BLOC1S5: variants seen among roughly 807,000 people sequenced by gnomAD.
BLOC1S5 encodes the protein biogenesis of lysosome-related organelles complex 1 subunit 5.
Under a neutral mutation model 24.3 loss-of-function variants are expected in BLOC1S5, and 27 were observed. That is an observed-to-expected ratio of 1.11 (90% CI 0.82 to 1.53). The LOEUF is 1.53. BLOC1S5 is among the 40% of genes most tolerant of loss of function. The pLI, the probability that BLOC1S5 is intolerant of heterozygous loss-of-function variation, is 0.00. For synonymous variants in BLOC1S5, 84 were observed against 74.5 expected, an observed-to-expected ratio of 1.13 and a Z score of -0.66; for missense variants, 239 against 229.4, an observed-to-expected ratio of 1.04 and a Z score of -0.27.
Position 8,041,286 on chromosome 6 carries a change from A to C in BLOC1S5, c.196-18T>G, listed in dbSNP as rs770568158. On this transcript the variant is annotated intron_variant, in intron 2 of 4. Transcript: ENST00000397457. ...CGTTTTTCCTATTAAAAGAAAGTAG[A>C]TGACTAATAAATATGGTGTCTTTTC... The C allele has an allele frequency of 2.7e-6, 4 of 1,503,412 alleles. 1 individual carries two copies. In the South Asian group the frequency reaches 3.6e-5, roughly 13 times the overall value. The allele number at this position is 1,503,412 out of a possible 1,614,324, so 93.1% of individuals were successfully genotyped here. A position where few individuals can be genotyped will look rare whatever the true frequency, so the allele number is the denominator to read the frequency against.
At chr6:8,050,598 A>C (rs1354176707) in intron 2 of BLOC1S5, among the ~76,000 whole-genome samples, 2 of 122,878 alleles carry the variant, frequency 1.6e-5, no homozygotes, top group African/African-American at 2.9e-5. Context: ...AATGGAAAAG[A>C]AACTTTTTTT....
intron 3 of BLOC1S5, among the ~76,000 whole-genome samples, chr6:8,032,832 AACAG>A (rs763836824): frequency 3.9e-5 from 6 of 152,226 alleles, no homozygotes; most frequent in Non-Finnish European, 8.8e-5. Context: ...ATACAGCATT[AACAG>A]ACAAACAGAG....
At chr6:8,038,503 T>C (rs1168200549) in intron 3 of BLOC1S5, among the ~76,000 whole-genome samples, 1 of 144,914 alleles carries the variant, frequency 6.9e-6, no homozygotes, top group Non-Finnish European at 1.6e-5. Context: ...TAATTAATTA[T>C]TGACGGAGTC....
chr6:8,023,000 A>T (rs1290782223), intron 4 of BLOC1S5, among the ~76,000 whole-genome samples: 2 of 152,234 alleles, frequency 1.3e-5, no homozygotes, highest in Non-Finnish European at 2.9e-5. Flanking sequence ...AATTAAAAGC[A>T]TTCATATTTA....
chr6:8,048,219 T>C (rs543750734), intron 2 of BLOC1S5, among the ~76,000 whole-genome samples: 15 of 152,286 alleles, frequency 9.8e-5, no homozygotes, highest in African/African-American at 3.6e-4. Context: ...CAGACAAAAC[T>C]CTAGTATTTT....
At chr6:8,052,977 G>A (rs944635513) in intron 2 of BLOC1S5, among the ~76,000 whole-genome samples, 8 of 151,994 alleles carry the variant, frequency 5.3e-5, no homozygotes, top group African/African-American at 1.9e-4. Flanking sequence ...ATGAGGATCT[G>A]CTTCTTATGG....
intron 2 of BLOC1S5, among the ~76,000 whole-genome samples, chr6:8,058,362 A>AG (rs1421505882): frequency 2.1e-5 from 1 of 48,146 alleles, no homozygotes; most frequent in East Asian, 3.2e-4. Context: ...TCTATGAAAA[A>AG]AAAAAAAAAA....
intron 3 of BLOC1S5, among the ~76,000 whole-genome samples, chr6:8,033,237 G>T (rs184104395): frequency 6.6e-6 from 1 of 152,228 alleles, no homozygotes; most frequent in Non-Finnish European, 1.5e-5. Context: ...ATACTACAAG[G>T]CTACAGTAAC....
At chr6:8,061,353 G>A (rs187601675) in intron 2 of BLOC1S5, among the ~76,000 whole-genome samples, 27 of 152,154 alleles carry the variant, frequency 1.8e-4, no homozygotes, top group African/African-American at 5.5e-4. Flanking sequence ...ACTGCTTAAC[G>A]AACAATGAAC....
At chr6:8,023,329 T>C (rs1314204456) in intron 4 of BLOC1S5, among the ~76,000 whole-genome samples, 2 of 152,234 alleles carry the variant, frequency 1.3e-5, no homozygotes, top group African/African-American at 4.8e-5. Flanking sequence ...ATGACGTTTA[T>C]CAGTTTACTT....
At chr6:8,022,636 G>C (rs909026890) in intron 4 of BLOC1S5, among the ~76,000 whole-genome samples, 1 of 133,154 alleles carries the variant, frequency 7.5e-6, no homozygotes, top group Admixed American at 8.7e-5. Context: ...CCAGGCTGGA[G>C]TGCAGTGGCG....
chr6:8,050,026 T>C (rs933888576), intron 2 of BLOC1S5, among the ~76,000 whole-genome samples: 4 of 152,156 alleles, frequency 2.6e-5, no homozygotes, highest in African/African-American at 4.8e-5. Flanking sequence ...TATATACTTC[T>C]AAGTGTACGC....
intron 4 of BLOC1S5, among the ~76,000 whole-genome samples, chr6:8,016,190 G>A (rs1324764673): frequency 6.6e-6 from 1 of 152,044 alleles, no homozygotes; most frequent in East Asian, 1.9e-4. Flanking sequence ...GCTGGGCGTG[G>A]TGGCACATGG....
chr6:8,041,683 G>A (rs1763695907), intron 2 of BLOC1S5, among the ~76,000 whole-genome samples: 1 of 107,578 alleles, frequency 9.3e-6, no homozygotes, highest in African/African-American at 3.1e-5. Flanking sequence ...GTCTCGCCCT[G>A]TCGCCCAGAC....
chr6:8,026,050 A>G (rs1026456628), intron 4 of BLOC1S5, among the ~76,000 whole-genome samples: 1 of 152,218 alleles, frequency 6.6e-6, no homozygotes, highest in African/African-American at 2.4e-5. Flanking sequence ...GGCTCAGAGG[A>G]AAGATTTATA....
chr6:8,027,556 G>A (rs949889500), intron 3 of BLOC1S5, among the ~76,000 whole-genome samples: 1 of 152,172 alleles, frequency 6.6e-6, no homozygotes, highest in Non-Finnish European at 1.5e-5. Context: ...CAGTCAGGCC[G>A]GGCACGGTGG....
At chr6:8,056,016 C>T (rs1040369852) in intron 2 of BLOC1S5, among the ~76,000 whole-genome samples, 1 of 152,132 alleles carries the variant, frequency 6.6e-6, no homozygotes, top group African/African-American at 2.4e-5. Flanking sequence ...GAATGGTTTC[C>T]TTTATAAGTA....
chr6:8,063,766 A>G (rs886694007), intron 1 of BLOC1S5, among the ~76,000 whole-genome samples: 4 of 152,324 alleles, frequency 2.6e-5, no homozygotes, highest in African/African-American at 9.6e-5. Context: ...AGCACACAGA[A>G]CACATGGACA....
chr6:8,015,880 A>C (rs768026171), intron 4 of BLOC1S5, 52 bp from the exon 5 acceptor site: 65 of 1,503,544 alleles, frequency 4.3e-5, no homozygotes, highest in East Asian at 1.4e-4. Context: ...CAATTATTTC[A>C]TAACGTTATC....
Sources: allele counts gnomAD v4.1 joint callset (sites outside exome capture counted in the v4.1 genomes callset), GRCh38; gene constraint gnomAD v4.1.1; transcripts MANE v1.5; gene names NCBI Gene and HGNC (gene_info 2026-07-23, HGNC 2026-07-21).